The following SENP5 variants were observed in gnomAD, a reference collection of about 807,000 sequenced individuals.
The protein encoded by SENP5 is sentrin-specific protease 5.
SENP5 carries 21 observed loss-of-function variants against 74.2 expected under a neutral mutation model. The observed-to-expected ratio is 0.28, with a 90% confidence interval of 0.20 to 0.41. The LOEUF is 0.41. Among genes scored for constraint, SENP5 ranks in the 10% least tolerant of loss-of-function variants. SENP5 has a pLI of 1.00. For missense variants in SENP5, 717 were observed against 889.1 expected (o/e 0.81, Z 2.46); for synonymous variants, 311 against 312.7 (o/e 0.99, Z 0.06).
At chr3:196,888,037 T>C (rs1440126207) in intron 2 of SENP5, among the ~76,000 whole-genome samples, 1 of 152,146 alleles carries the variant, frequency 6.6e-6, no homozygotes, top group East Asian at 1.9e-4. Flanking sequence ...CTGCCTAAAG[T>C]GCTAGGATTA....
At chr3:196,869,075 G>A (rs1713083387) in intron 1 of SENP5, among the ~76,000 whole-genome samples, 1 of 151,720 alleles carries the variant, frequency 6.6e-6, no homozygotes, top group African/African-American at 2.4e-5. Flanking sequence ...GGTATATGAG[G>A]GATGGCTTAT....
chr3:196,920,087 TTG>T, intron 6 of SENP5, among the ~76,000 whole-genome samples: 1 of 152,322 alleles, frequency 6.6e-6, no homozygotes, highest in South Asian at 2.1e-4. Context: ...TAAAATTAGT[TTG>T]TCAAACTCTG....
chr3:196,887,895 G>A (rs1283636166), intron 2 of SENP5, among the ~76,000 whole-genome samples: 3 of 152,070 alleles, frequency 2.0e-5, no homozygotes, highest in Non-Finnish European at 4.4e-5. Context: ...AGCCTCCCAA[G>A]TAGCTGAGAC....
Position 196,868,034 on chromosome 3 carries a change from G to T in SENP5, c.-71G>T, listed in dbSNP as rs1713005132. 2 of 152,190 alleles carry T rather than the reference G, an allele frequency of 1.3e-5. No homozygotes were observed. The highest frequency in any genetic ancestry group is 4.1e-4 in the South Asian group (2 of 4,832). The allele number at this position is 152,190 out of a possible 1,614,324, so 9.4% of individuals were successfully genotyped here. A position where few individuals can be genotyped will look rare whatever the true frequency, so the allele number is the denominator to read the frequency against. ...CGCGGTCCAGGCTGCTGCCGCGACG[G>T]GGCCGGCGGCGGGGCAGCTGCCAGG... On this transcript the variant is annotated 5_prime_UTR_variant, in exon 1 of 10. Coordinates refer to ENST00000323460, the MANE Select transcript of SENP5 (RefSeq NM_152699.5).
chr3:196,885,098 T>C, intron 1 of SENP5, 53 bp from the exon 2 acceptor site: 1 of 1,079,250 alleles, frequency 9.3e-7, no homozygotes, highest in East Asian at 2.5e-5. Flanking sequence ...TGTGAATATG[T>C]CTTCATGACC....
At chr3:196,914,757 C>A (rs571387430) in intron 6 of SENP5, among the ~76,000 whole-genome samples, 1 of 151,454 alleles carries the variant, frequency 6.6e-6, no homozygotes, top group African/African-American at 2.4e-5. Context: ...ATCCATGCAA[C>A]AAAATACCTT....
chr3:196,924,262 A>G (rs1715730971), intron 7 of SENP5, among the ~76,000 whole-genome samples: 1 of 152,204 alleles, frequency 6.6e-6, no homozygotes. Context: ...AAATTTAACC[A>G]CCTAATAATT....
Position 196,869,274 on chromosome 3 carries a change from G to GA in SENP5, c.-32+1201_-32+1202insA, listed in dbSNP as rs1713096861. ...GGAGTGCAGTGGCGCGATCTTTTCA[G>GA]CTCACTGCAACCTCCTCCTCCCAGG... On this transcript the variant is annotated intron_variant, in intron 1 of 9. Transcript: ENST00000323460. 5.9e-5 allele frequency among the ~76,000 whole-genome samples: 9 copies of GA among 151,976 alleles called. 1 individual carries two copies. The South Asian group carries it at 1.9e-3, about 32-fold the overall frequency.
chr3:196,928,456 T>C (rs1366124358), intron 8 of SENP5, among the ~76,000 whole-genome samples: 1 of 152,252 alleles, frequency 6.6e-6, no homozygotes, highest in Non-Finnish European at 1.5e-5. Flanking sequence ...TGTTTTTGTG[T>C]ATTGGATCTC....
At position 196,931,938 on chromosome 3, in the gene SENP5, A is replaced by G. The variant is rs894834920; in HGVS notation, c.*1015A>G. 4.4e-6 allele frequency: 2 copies of G among 454,616 alleles called. No individual in the cohort carries two copies. The highest frequency in any genetic ancestry group is 4.0e-5 in the African/African-American group (2 of 49,892). The allele number at this position is 454,616 out of a possible 1,614,324, so 28.2% of individuals were successfully genotyped here. A position where few individuals can be genotyped will look rare whatever the true frequency, so the allele number is the denominator to read the frequency against. ...GGTGGCTGGAGAGAAGAGGGAAGGT[A>G]ATAGAGACAACTTAGTCCCATGGGA... On this transcript the variant is annotated 3_prime_UTR_variant, in exon 10 of 10. Transcript: ENST00000323460.
chr3:196,923,584 T>C, intron 7 of SENP5, 33 bp downstream of exon 7: 1 of 1,504,364 alleles, frequency 6.6e-7, no homozygotes, highest in Non-Finnish European at 9.1e-7. Flanking sequence ...TTTTCATTTA[T>C]TTTGTAATTG....
At chr3:196,875,491 G>A (rs1035072552) in intron 1 of SENP5, among the ~76,000 whole-genome samples, 2 of 152,020 alleles carry the variant, frequency 1.3e-5, no homozygotes, top group African/African-American at 2.4e-5. Flanking sequence ...TGTCAGCATC[G>A]TGAATTTAGC....
chr3:196,929,663 T>C lies in SENP5; in HGVS notation c.2137T>C (p.Cys713Arg). The C allele has an allele frequency of 6.2e-7, 1 of 1,609,420 alleles. No homozygotes were observed. Among genetic ancestry groups the C allele is most frequent in the Non-Finnish European group, 8.5e-7 (1 of 1,177,050 alleles). ...CIPQQKNDSD[C>R]GVFVLQYCKC... ...TCCACAACAGAAAAACGACAGTGACTGTGGAGTCTTTGTGCTCCAGGTAAA... is the reference window on the plus strand; with the variant it reads ...TCCACAACAGAAAAACGACAGTGACCGTGGAGTCTTTGTGCTCCAGGTAAA... The change falls in exon 9 of 10, where the codon TGT (cysteine) becomes CGT (arginine). Residue 713 changes from cysteine to arginine, a missense_variant. Coordinates refer to ENST00000323460, the MANE Select transcript of SENP5 (RefSeq NM_152699.5).
intron 4 of SENP5, 53 bp downstream of exon 4, chr3:196,900,115 A>G (rs988398128): frequency 3.2e-6 from 5 of 1,571,560 alleles, no homozygotes; most frequent in Non-Finnish European, 4.3e-6. Context: ...ATGTTAGTCA[A>G]TAAAATATAA....
intron 2 of SENP5, among the ~76,000 whole-genome samples, chr3:196,897,281 A>G (rs1475115016): frequency 2.6e-5 from 4 of 152,208 alleles, no homozygotes; most frequent in Non-Finnish European, 5.9e-5. Flanking sequence ...CCATGTAGAC[A>G]CAAGGTTATG....
At position 196,886,118 on chromosome 3, in the gene SENP5, A is replaced by G. The variant is rs748679193; in HGVS notation, c.937A>G (p.Ser313Gly). The G allele has an allele frequency of 2.0e-5, 33 of 1,614,122 alleles. No homozygotes were observed. The highest frequency in any genetic ancestry group is 2.5e-5 in the Non-Finnish European group (29 of 1,180,046). Residue 313 changes from serine (S) to glycine (G), a missense_variant, in exon 2 of 10, where the codon AGT becomes GGT. By Grantham distance (56) the Ser-to-Gly change is moderately conservative. Coordinates refer to ENST00000323460, the MANE Select transcript of SENP5 (RefSeq NM_152699.5). ...GCCGTACTTTCCAGATATGGACAGC[A>G]GTGCTGTGGTGAAGGGGACGAACTC... ...HQPYFPDMDS[S>G]AVVKGTNSHV...
rs1460507672 is a variant in SENP5 at position 196,890,975 on chromosome 3, C to T, written c.1513+4281C>T. ...GGATTAAAAGTTTGGCTAATTAAAA[C>T]CAAATACACAGAAATGTGTACACGA... On this transcript the variant is annotated intron_variant, in intron 2 of 9. Transcript: ENST00000323460. Among the ~76,000 whole-genome samples, 3 of 152,124 alleles carry T rather than the reference C, an allele frequency of 2.0e-5. 1 individual carries two copies. The highest frequency in any genetic ancestry group is 4.4e-5 in the Non-Finnish European group (3 of 68,034).
At chr3:196,879,579 C>T (rs1484928573) in intron 1 of SENP5, among the ~76,000 whole-genome samples, 1 of 152,168 alleles carries the variant, frequency 6.6e-6, no homozygotes, top group East Asian at 1.9e-4. Flanking sequence ...CATTCTGCAT[C>T]TATTTTTACT....
intron 1 of SENP5, among the ~76,000 whole-genome samples, chr3:196,880,223 G>A (rs1399652290): frequency 2.0e-5 from 3 of 152,196 alleles, no homozygotes; most frequent in African/African-American, 2.4e-5. Context: ...TGGGATCACA[G>A]GCATGAGCCA....
Sources: gnomAD v4.1 joint callset for allele counts (sites outside exome capture counted in the v4.1 genomes callset) on GRCh38, gnomAD v4.1.1 for gene constraint, MANE v1.5 for transcripts, NCBI Gene and HGNC (gene_info 2026-07-23, HGNC 2026-07-21) for gene names.